Variants in EHD3 observed in about 807,000 individuals in gnomAD.
EHD3 encodes the protein EH domain containing 3.
Under a neutral mutation model 43.0 loss-of-function variants are expected in EHD3, and 17 were observed. The observed-to-expected ratio is 0.40, with a 90% confidence interval of 0.27 to 0.59. The LOEUF is 0.59. EHD3 is among the 20% of genes least tolerant of loss of function. The probability of loss-of-function intolerance (pLI) is 0.49; values close to 1 mark genes in which losing one functional copy is unlikely to be tolerated. For synonymous variants in EHD3, 313 were observed against 289.5 expected (o/e 1.08, Z -0.82); for missense variants, 594 against 705.6 (o/e 0.84, Z 1.79).
chr2:31,248,500 G>T (rs1216010311), intron 2 of EHD3, among the ~76,000 whole-genome samples: 2 of 152,152 alleles, frequency 1.3e-5, no homozygotes, highest in Non-Finnish European at 2.9e-5. Context: ...GTGCTCCTTG[G>T]AGACAGGGAT....
chr2:31,258,195 TC>T (rs1683789097), intron 3 of EHD3, among the ~76,000 whole-genome samples: 1 of 152,102 alleles, frequency 6.6e-6, no homozygotes, highest in Non-Finnish European at 1.5e-5. Context: ...AGTACTGGCA[TC>T]CGGGTAACCA....
chr2:31,238,134 C>T (rs752072630), intron 1 of EHD3, among the ~76,000 whole-genome samples: 3 of 151,984 alleles, frequency 2.0e-5, no homozygotes, highest in South Asian at 2.1e-4. Context: ...AGTTGTTTTC[C>T]GAGAGGGTGA....
intron 3 of EHD3, among the ~76,000 whole-genome samples, chr2:31,253,765 G>C (rs1683686563): frequency 6.6e-6 from 1 of 152,184 alleles, no homozygotes; most frequent in South Asian, 2.1e-4. Context: ...GGGGTGCCCG[G>C]GAAGCTGATT....
intron 2 of EHD3, among the ~76,000 whole-genome samples, chr2:31,245,747 T>TG (rs1251858940): frequency 4.9e-4 from 70 of 142,652 alleles, no homozygotes; most frequent in African/African-American, 1.8e-3. Context: ...TTTTTTTTTT[T>TG]TTTTTTTTTT....
chr2:31,257,990 A>G (rs1468652023), intron 3 of EHD3, among the ~76,000 whole-genome samples: 3 of 152,174 alleles, frequency 2.0e-5, no homozygotes, highest in Non-Finnish European at 4.4e-5. Flanking sequence ...TCTGTAAATC[A>G]GGAAGTTGGA....
chr2:31,267,855 C>CTG lies in EHD3; in HGVS notation c.*1151_*1152insTG, dbSNP rs1683985891. Reference sequence around the variant, plus strand: ...GGCCGGCCAGCATTTGGTGGCCCATCAGTCTGGCCATCTGTCACGTCACAG... The same window carrying CTG: ...GGCCGGCCAGCATTTGGTGGCCCATCTGAGTCTGGCCATCTGTCACGTCACAG... On this transcript the variant is annotated 3_prime_UTR_variant, in exon 6 of 6. Coordinates refer to ENST00000322054, the MANE Select transcript of EHD3 (RefSeq NM_014600.3). The CTG allele has an allele frequency of 2.6e-5, 4 of 152,386 alleles. No individual in the cohort carries two copies. In the South Asian group the frequency reaches 8.3e-4, roughly 32 times the overall value. The allele number at this position is 152,386 out of a possible 1,614,324, so 9.4% of individuals were successfully genotyped here. A position where few individuals can be genotyped will look rare whatever the true frequency, so the allele number is the denominator to read the frequency against.
intron 2 of EHD3, among the ~76,000 whole-genome samples, chr2:31,245,551 ATATTTTTTT>A (rs1295668099): frequency 0.038 from 1,201 of 31,986 alleles, 2 homozygotes; most frequent in Non-Finnish European, 0.042. Context: ...ATATATATAT[ATATTTTTTT>A]TTTTTTTTTT....
intron 1 of EHD3, among the ~76,000 whole-genome samples, chr2:31,240,595 C>A (rs1683404492): frequency 6.6e-6 from 1 of 152,216 alleles, no homozygotes; most frequent in African/African-American, 2.4e-5. Flanking sequence ...AGGACAAACT[C>A]TAGGCCCTTG....
chr2:31,249,385 A>G lies in EHD3; in HGVS notation c.419A>G (p.Gln140Arg). The change falls in exon 3 of 6, where the codon CAG (glutamine) becomes CGG (arginine). Residue 140 changes from glutamine (Q) to arginine (R), a missense_variant. Coordinates refer to ENST00000322054, the MANE Select transcript of EHD3 (RefSeq NM_014600.3). ...NAFLNRFVCA[Q>R]LPNPVLESIS... is the part of the protein sequence containing the mutation. ...TGCCCATGCAGGTTCGTGTGTGCCC[A>G]GCTACCTAACCCTGTGCTGGAGAGC... is the stretch of plus-strand genomic sequence containing the variant. The G allele has an allele frequency of 6.2e-7, 1 of 1,614,158 alleles. No homozygotes were observed. The highest frequency in any genetic ancestry group is 1.1e-5 in the South Asian group (1 of 91,080).
intron 1 of EHD3, among the ~76,000 whole-genome samples, chr2:31,236,130 T>C (rs1159436899): frequency 6.6e-6 from 1 of 152,238 alleles, no homozygotes; most frequent in East Asian, 1.9e-4. Flanking sequence ...ACTAATTTTC[T>C]CTAACATCCA....
intron 2 of EHD3, 100 bp from the exon 3 acceptor site, chr2:31,249,271 C>A (rs1317953623): frequency 3.7e-6 from 4 of 1,072,144 alleles, no homozygotes; most frequent in Non-Finnish European, 5.6e-6. Context: ...CAGGATGCAC[C>A]TGCAGCTCAC....
chr2:31,256,185 G>A (rs935491619), intron 3 of EHD3, among the ~76,000 whole-genome samples: 3 of 152,204 alleles, frequency 2.0e-5, no homozygotes, highest in African/African-American at 7.2e-5. Context: ...CTCCTCTGGT[G>A]ACTCCTACAG....
chr2:31,253,748 G>A (rs868194069), intron 3 of EHD3, among the ~76,000 whole-genome samples: 33 of 152,314 alleles, frequency 2.2e-4, no homozygotes, highest in African/African-American at 7.9e-4. Flanking sequence ...CTTGTGGGAA[G>A]AAGGCTGGGG....
chr2:31,253,043 G>C (rs929819017), intron 3 of EHD3, among the ~76,000 whole-genome samples: 1 of 151,870 alleles, frequency 6.6e-6, no homozygotes. Context: ...AAGTTTCCAG[G>C]GTGCAGAGCC....
At chr2:31,241,417 G>A (rs1300561056) in intron 1 of EHD3, among the ~76,000 whole-genome samples, 1 of 152,106 alleles carries the variant, frequency 6.6e-6, no homozygotes. Flanking sequence ...TGCATCACCT[G>A]GGGCACCTTT....
intron 3 of EHD3, among the ~76,000 whole-genome samples, chr2:31,255,286 C>G (rs757796202): frequency 1.3e-5 from 2 of 152,180 alleles, no homozygotes; most frequent in Non-Finnish European, 2.9e-5. Flanking sequence ...CGCAGGTGCC[C>G]AAGAGCTACC....
At chr2:31,236,808 G>A (rs1467800359) in intron 1 of EHD3, among the ~76,000 whole-genome samples, 2 of 152,174 alleles carry the variant, frequency 1.3e-5, no homozygotes, top group Non-Finnish European at 2.9e-5. Context: ...GAATGGGAGG[G>A]AAGATGGGGA....
At chr2:31,243,051 CG>C (rs957321355) in intron 1 of EHD3, among the ~76,000 whole-genome samples, 21 of 152,130 alleles carry the variant, frequency 1.4e-4, no homozygotes, top group African/African-American at 4.8e-4. Context: ...CCAAGGCAGG[CG>C]GATCACCTGA....
At position 31,243,456 on chromosome 2, in the gene EHD3, C is replaced by CTTTTTT. The variant is rs1418621028; in HGVS notation, c.228-815_228-814insTTTTTT. ...TCTTTCTTTCTTTCTTTCTTTCTTT[C>CTTTTTT]TTTCTTTTTTTTTTTTTGAGACAGA... On this transcript the variant is annotated intron_variant, in intron 1 of 5. Coordinates refer to ENST00000322054, the MANE Select transcript of EHD3 (RefSeq NM_014600.3). Among the ~76,000 whole-genome samples, 297 of 93,284 alleles carry CTTTTTT rather than the reference C, an allele frequency of 3.2e-3. 3 individuals carry two copies. Among genetic ancestry groups the CTTTTTT allele is most frequent in the South Asian group, 9.4e-3 (26 of 2,780 alleles). The allele number at this position is 93,284 out of a possible 152,430, so 61.2% of individuals were successfully genotyped here. A position where few individuals can be genotyped will look rare whatever the true frequency, so the allele number is the denominator to read the frequency against.
Sources: allele counts gnomAD v4.1 joint callset (sites outside exome capture counted in the v4.1 genomes callset), GRCh38; gene constraint gnomAD v4.1.1; transcripts MANE v1.5; gene names NCBI Gene and HGNC (gene_info 2026-07-23, HGNC 2026-07-21).